Variants in JAML observed in about 807,000 individuals in gnomAD.
The protein encoded by JAML is junction adhesion molecule like.
JAML carries 25 observed loss-of-function variants against 39.3 expected under a neutral mutation model. That is an observed-to-expected ratio of 0.64 (90% CI 0.46 to 0.89). The LOEUF is 0.89. Ranked by LOEUF, JAML falls within the 40% of genes least tolerant of loss-of-function variation. The pLI is 0.00. For synonymous variants in JAML, 162 were observed against 179.2 expected (o/e 0.90, Z 0.77); for missense variants, 440 against 486.9 (o/e 0.90, Z 0.91).
At chr11:118,196,424 G>A (rs895049343) in intron 9 of JAML, among the ~76,000 whole-genome samples, 2 of 152,078 alleles carry the variant, frequency 1.3e-5, no homozygotes, top group Non-Finnish European at 1.5e-5. Flanking sequence ...CACCACACCC[G>A]GCCGTGTTTT....
chr11:118,194,357 C>T lies in JAML; in HGVS notation c.1153G>A (p.Gly385Arg), dbSNP rs757314898. The T allele has an allele frequency of 3.1e-6, 5 of 1,613,994 alleles. No individual in the cohort carries two copies. The highest frequency in any genetic ancestry group is 1.1e-5 in the South Asian group (1 of 91,078). The stretch of plus-strand genomic sequence containing the variant: ...GCTTGCTGTGTTTTTGGCATTCCCC[C>T]ACCTGACTTTTTTTCAAGTGAGTTG... ...RNNSLEKKSG[G>R]GMPKTQQAF Residue 385 changes from glycine (G) to arginine (R), a missense_variant, in exon 10 of 10, where the codon GGG becomes AGG. Gly to Arg is a moderately radical substitution (Grantham distance 125, BLOSUM62 -2). Coordinates refer to ENST00000356289, the MANE Select transcript of JAML (RefSeq NM_001098526.2).
intron 4 of JAML, 76 bp from the exon 5 acceptor site, chr11:118,206,067 T>C: frequency 2.2e-6 from 3 of 1,342,392 alleles, no homozygotes; most frequent in Admixed American, 1.7e-5. Context: ...GAAGAGATCA[T>C]GTTTAGCCAA....
At chr11:118,223,035 CAG>C (rs1414941192) in intron 1 of JAML, among the ~76,000 whole-genome samples, 3 of 137,596 alleles carry the variant, frequency 2.2e-5, no homozygotes, top group East Asian at 4.4e-4. Flanking sequence ...GCGGAGGTTG[CAG>C]AGAGTCGAGA....
chr11:118,202,255 G>A (rs911226904), intron 6 of JAML: 23 of 152,328 alleles, frequency 1.5e-4, no homozygotes, highest in African/African-American at 5.5e-4. Flanking sequence ...TGAGCTGAAC[G>A]CTTTAAATGG....
At chr11:118,204,149 A>C (rs1948870123) in intron 5 of JAML, 2 of 176,360 alleles carry the variant, frequency 1.1e-5, no homozygotes, top group Admixed American at 1.1e-4. Context: ...TTCTGGAACA[A>C]ATCACATTGA....
chr11:118,196,867 C>A (rs1948668736), intron 8 of JAML, 46 bp from the exon 9 acceptor site: 9 of 1,507,900 alleles, frequency 6.0e-6, no homozygotes, highest in South Asian at 2.2e-5. Flanking sequence ...TTAGATGAAT[C>A]TTATACACCA....
intron 1 of JAML, among the ~76,000 whole-genome samples, chr11:118,220,968 AAAGCC>A (rs1252984765): frequency 1.3e-5 from 2 of 152,316 alleles, no homozygotes; most frequent in Non-Finnish European, 2.9e-5. Context: ...ACAGCAAAAC[AAAGCC>A]AAGGGTGACT....
chr11:118,203,790 T>C (rs1948863936), intron 5 of JAML, 125 bp from the exon 6 acceptor site: 2 of 762,096 alleles, frequency 2.6e-6, no homozygotes, highest in Middle Eastern at 2.9e-4. Flanking sequence ...AAGGGTATTA[T>C]CAGAAAGCAT....
chr11:118,205,640 T>C, intron 5 of JAML: 1 of 495,054 alleles, frequency 2.0e-6, no homozygotes, highest in Non-Finnish European at 3.7e-6. Context: ...TACAAAATGC[T>C]TTACATGTAC....
intron 3 of JAML, among the ~76,000 whole-genome samples, chr11:118,211,056 G>A (rs534379658): frequency 2.6e-5 from 4 of 152,110 alleles, no homozygotes; most frequent in African/African-American, 7.2e-5. Context: ...CCACAGCCCC[G>A]GATTAGATGG....
rs770524811 is a variant in JAML at position 118,203,649 on chromosome 11, C to T, written c.551G>A (p.Arg184His). Residue 184 changes from arginine (R) to histidine (H), a missense_variant, in exon 6 of 10, where the codon CGT becomes CAT. By Grantham distance (29) the Arg-to-His change is conservative. Coordinates refer to ENST00000356289, the MANE Select transcript of JAML (RefSeq NM_001098526.2). ...GRRAKEEIVF[R>H]YYHKLRMSVE... Reference sequence around the variant, plus strand: ...AGACATCCTGAGTTTGTGGTAGTAACGAAATACAATCTCCTCCTAGAAGTG... The same window carrying T: ...AGACATCCTGAGTTTGTGGTAGTAATGAAATACAATCTCCTCCTAGAAGTG... The T allele has an allele frequency of 3.0e-5, 48 of 1,612,376 alleles. No individual in the cohort carries two copies. Among genetic ancestry groups the T allele is most frequent in the Admixed American group, 2.5e-4 (15 of 59,996 alleles).
intron 5 of JAML, 90 bp from the exon 6 acceptor site, chr11:118,203,755 C>A: frequency 9.4e-7 from 1 of 1,059,164 alleles, no homozygotes; most frequent in Non-Finnish European, 1.5e-6. Context: ...CTCAGGACTC[C>A]AAGGCCCTGC....
chr11:118,206,115 ACTGTACGTATTCCCT>A (rs1218782357), intron 4 of JAML, 124 bp from the exon 5 acceptor site: 4 of 760,610 alleles, frequency 5.3e-6, no homozygotes, highest in Admixed American at 2.0e-5. Context: ...ACCACCAAAC[ACTGTACGTATTCCCT>A]CTGTACGAAT....
At chr11:118,196,307 T>C (rs985694228) in intron 9 of JAML, among the ~76,000 whole-genome samples, 17 of 152,026 alleles carry the variant, frequency 1.1e-4, no homozygotes, top group African/African-American at 4.1e-4. Context: ...TTTGTATTTT[T>C]AGTAGAGAGG....
intron 7 of JAML, among the ~76,000 whole-genome samples, chr11:118,199,501 A>T (rs1948729604): frequency 6.6e-6 from 1 of 152,016 alleles, no homozygotes; most frequent in Admixed American, 6.6e-5. Flanking sequence ...TTTCCCACTG[A>T]CACTATTTCA....
intron 1 of JAML, 31 bp downstream of exon 1, chr11:118,224,910 A>G (rs1334514477): frequency 6.6e-6 from 1 of 152,194 alleles, no homozygotes; most frequent in Non-Finnish European, 1.5e-5. Flanking sequence ...AGTTCAAAAA[A>G]TGGCTTAAGA....
Position 118,194,294 on chromosome 11 carries a change from G to T in JAML, c.*31C>A. 6.4e-7 allele frequency: 1 copy of T among 1,574,346 alleles called. No homozygotes were observed. The highest frequency in any genetic ancestry group is 8.7e-7 in the Non-Finnish European group (1 of 1,143,988). ...ACACACACAGGAGAGAGTCTCCACC[G>T]CTGCTGAGATGAAGGGACTCTCCAT... On this transcript the variant is annotated 3_prime_UTR_variant, in exon 10 of 10. Transcript: ENST00000356289.
Position 118,216,310 on chromosome 11 carries a change from A to T in JAML, c.-20-1424T>A, listed in dbSNP as rs564316531. On this transcript the variant is annotated intron_variant, in intron 1 of 9. Transcript: ENST00000356289. ...CGTGAACCTGGTAGGCGGAGCTTGC[A>T]GTGAGCCGAGATCACGCCACTGCAC... Among the ~76,000 whole-genome samples the T allele has an allele frequency of 1.9e-3, 282 of 151,816 alleles. 1 individual carries two copies. The highest frequency in any genetic ancestry group is 6.0e-3 in the African/African-American group (248 of 41,402).
chr11:118,212,347 T>C (rs1469626875), intron 3 of JAML, 60 bp downstream of exon 3: 1 of 1,583,118 alleles, frequency 6.3e-7, no homozygotes, highest in Non-Finnish European at 8.6e-7. Context: ...CTTACACCAC[T>C]CTGTCCTGAC....
Sources: allele counts gnomAD v4.1 joint callset (sites outside exome capture counted in the v4.1 genomes callset), GRCh38; gene constraint gnomAD v4.1.1; transcripts MANE v1.5; gene names NCBI Gene and HGNC (gene_info 2026-07-23, HGNC 2026-07-21).